PXDNL: variants seen among roughly 807,000 people sequenced by gnomAD.
PXDNL encodes the protein probable oxidoreductase PXDNL.
A neutral mutation model predicts 150.8 loss-of-function variants in PXDNL; 145 were observed. That is an observed-to-expected ratio of 0.96 (90% confidence interval 0.84 to 1.10). PXDNL has a LOEUF of 1.10. PXDNL is among the 50% of genes least tolerant of loss of function. The pLI is 0.00. For missense variants in PXDNL, 2,087 were observed against 1,873.9 expected, an observed-to-expected ratio of 1.11 and a Z score of -2.10; for synonymous variants, 757 against 725.7, an observed-to-expected ratio of 1.04 and a Z score of -0.69.
intron 4 of PXDNL, among the ~76,000 whole-genome samples, chr8:51,501,054 T>C (rs1200429741): frequency 6.6e-6 from 1 of 152,184 alleles, no homozygotes; most frequent in Non-Finnish European, 1.5e-5. Flanking sequence ...AAGGTATGAT[T>C]GTTTCAGACT....
At chr8:51,452,965 C>A (rs1809843389) in intron 10 of PXDNL, among the ~76,000 whole-genome samples, 1 of 152,140 alleles carries the variant, frequency 6.6e-6, no homozygotes, top group African/African-American at 2.4e-5. Context: ...CATGCACGCA[C>A]ACACACCAGA....
chr8:51,447,672 T>C (rs1809706835), intron 11 of PXDNL, among the ~76,000 whole-genome samples: 1 of 152,200 alleles, frequency 6.6e-6, no homozygotes. Context: ...CTGCTGAGCT[T>C]ATATGAGCCT....
chr8:51,447,823 T>C (rs1337140923), intron 11 of PXDNL, among the ~76,000 whole-genome samples: 1 of 152,234 alleles, frequency 6.6e-6, no homozygotes, highest in Non-Finnish European at 1.5e-5. Flanking sequence ...CTATTGAGCG[T>C]ACACACACTG....
chr8:51,409,351 C>A lies in PXDNL; in HGVS notation c.2273G>T (p.Arg758Leu). Residue 758 changes from arginine to leucine, a missense_variant, in exon 17 of 23, where the codon CGG (arginine) becomes CTG (leucine). Physicochemically the swap from Arg to Leu is moderately radical, Grantham distance 102. Transcript: ENST00000356297. ...AFARLLQPAYRDGIRAPRGLG... is the reference protein window; with the variant it reads ...AFARLLQPAYLDGIRAPRGLG... ...CCCGCGGGGCGCGCGGATGCCGTCC[C>A]GGTAGGCTGGCTGCAGCAGGCGCGC... 9 of 1,538,182 alleles carry A rather than the reference C, an allele frequency of 5.9e-6. No individual in the cohort carries two copies. The highest frequency in any genetic ancestry group is 7.8e-6 in the Non-Finnish European group (9 of 1,147,908).
intron 2 of PXDNL, among the ~76,000 whole-genome samples, chr8:51,633,756 T>C (rs1374646111): frequency 6.6e-6 from 1 of 152,206 alleles, no homozygotes; most frequent in Admixed American, 6.5e-5. Flanking sequence ...TTTTTTCATA[T>C]GTTTGTTGGC....
intron 2 of PXDNL, among the ~76,000 whole-genome samples, chr8:51,613,775 C>A (rs1243110943): frequency 1.3e-5 from 2 of 152,216 alleles, no homozygotes; most frequent in Non-Finnish European, 2.9e-5. Flanking sequence ...CGAGGCACAT[C>A]TTCTATTGCT....
intron 6 of PXDNL, among the ~76,000 whole-genome samples, chr8:51,477,950 T>C (rs973016682): frequency 3.9e-5 from 6 of 152,184 alleles, no homozygotes; most frequent in African/African-American, 1.4e-4. Context: ...CAAAAGGATA[T>C]AGATTTTCAC....
intron 17 of PXDNL, among the ~76,000 whole-genome samples, chr8:51,405,548 A>T (rs1035824931): frequency 3.9e-5 from 6 of 152,228 alleles, no homozygotes; most frequent in Non-Finnish European, 8.8e-5. Flanking sequence ...ATTAATACAA[A>T]AAGGAAAAGA....
intron 12 of PXDNL, among the ~76,000 whole-genome samples, chr8:51,445,857 T>C (rs555459310): frequency 2.0e-5 from 3 of 152,272 alleles, no homozygotes; most frequent in Admixed American, 1.3e-4. Flanking sequence ...GACAGAAAGG[T>C]TTGCCAGGGC....
chr8:51,453,724 A>G lies in PXDNL; in HGVS notation c.1044T>C (p.Thr348=), dbSNP rs774045157. 1.9e-6 allele frequency: 3 copies of G among 1,614,050 alleles called. No individual in the cohort carries two copies. In the South Asian group the frequency reaches 3.3e-5, roughly 18 times the overall value. ...GGTGGCCTGTGGCCATACATTCCAA[A>G]GTTGTGCTGGTGCCAATTAAAACCT... ...DTEVLIGTST[T]LECMATGHPH... is the part of the protein sequence containing the mutation. The change falls in exon 10 of 23, where the codon ACT becomes ACC. Residue 348 remains threonine, a synonymous_variant. Coordinates refer to ENST00000356297, the MANE Select transcript of PXDNL (RefSeq NM_144651.5).
chr8:51,408,691 T>C lies in PXDNL; in HGVS notation c.2933A>G (p.His978Arg), dbSNP rs1247049168. The stretch of plus-strand genomic sequence containing the variant: ...GGACAGCTCCGTGGCCATCCTGTTG[T>C]GTTCCCGGAACCACAGGGTGTGCAT... ...AAMHTLWFRE[H>R]NRMATELSAL... The change falls in exon 17 of 23, where the codon CAC becomes CGC. Residue 978 changes from histidine to arginine, a missense_variant. Physicochemically the swap from His to Arg is conservative, Grantham distance 29. Transcript: ENST00000356297. 1 of 1,595,810 alleles carries C rather than the reference T, an allele frequency of 6.3e-7. No homozygotes were observed. Among genetic ancestry groups the C allele is most frequent in the South Asian group, 1.1e-5 (1 of 88,634 alleles).
chr8:51,543,681 C>T (rs1033725945), intron 4 of PXDNL, among the ~76,000 whole-genome samples: 1 of 135,814 alleles, frequency 7.4e-6, no homozygotes, highest in African/African-American at 2.8e-5. Flanking sequence ...CATTGCACTC[C>T]AGCCTGGTGA....
At chr8:51,726,445 G>A (rs1033050774) in intron 1 of PXDNL, among the ~76,000 whole-genome samples, 2 of 152,178 alleles carry the variant, frequency 1.3e-5, no homozygotes, top group African/African-American at 2.4e-5. Context: ...TTACCTCCCT[G>A]TCTTACGTCT....
chr8:51,548,227 T>A (rs1812405083), intron 4 of PXDNL, among the ~76,000 whole-genome samples: 1 of 152,202 alleles, frequency 6.6e-6, no homozygotes, highest in African/African-American at 2.4e-5. Context: ...ATAATTGGTG[T>A]TCCTGAAGAA....
intron 10 of PXDNL, among the ~76,000 whole-genome samples, chr8:51,450,550 G>C (rs1192649139): frequency 6.6e-6 from 1 of 152,164 alleles, no homozygotes; most frequent in Admixed American, 6.5e-5. Context: ...ACATGATAAA[G>C]TAAATAATAT....
chr8:51,389,487 C>T (rs528275511), intron 17 of PXDNL, among the ~76,000 whole-genome samples: 5 of 152,256 alleles, frequency 3.3e-5, no homozygotes, highest in African/African-American at 1.2e-4. Context: ...GGCAGGATTT[C>T]AGGCTTTCTG....
At chr8:51,591,521 G>GCTCTGT (rs777647694) in intron 3 of PXDNL, among the ~76,000 whole-genome samples, 10,528 of 152,248 alleles carry the variant, frequency 0.069, 453 homozygotes, top group South Asian at 0.1. Context: ...CTAAAGATTG[G>GCTCTGT]AATGGTGTCT....
intron 4 of PXDNL, among the ~76,000 whole-genome samples, chr8:51,553,306 C>G (rs1812531388): frequency 6.6e-6 from 1 of 152,116 alleles, no homozygotes; most frequent in South Asian, 2.1e-4. Context: ...AGTCCCACTC[C>G]CATTACTCCA....
intron 11 of PXDNL, 86 bp downstream of exon 11, chr8:51,448,916 G>A (rs1443417978): frequency 1.2e-5 from 9 of 745,022 alleles, no homozygotes; most frequent in Non-Finnish European, 2.2e-5. Context: ...ATACACCTTC[G>A]ATAATTAATT....
Sources: allele counts gnomAD v4.1 joint callset (sites outside exome capture counted in the v4.1 genomes callset), GRCh38; gene constraint gnomAD v4.1.1; transcripts MANE v1.5; gene names NCBI Gene and HGNC (gene_info 2026-07-23, HGNC 2026-07-21).